BCAT1: variants seen among roughly 807,000 people sequenced by gnomAD.
BCAT1 encodes the protein branched chain amino acid transaminase 1.
BCAT1 carries 48 observed loss-of-function variants against 52.4 expected under a neutral mutation model. The ratio of observed to expected loss-of-function variants is 0.92; its 90% CI spans 0.73 to 1.16. The LOEUF (loss-of-function observed/expected upper bound fraction) is 1.16, where lower values mean the gene tolerates loss of function less well. BCAT1 is among the 50% of genes most tolerant of loss of function. The pLI, the probability that BCAT1 is intolerant of heterozygous loss-of-function variation, is 0.00. For synonymous variants in BCAT1, 167 were observed against 161.3 expected (o/e 1.04, Z -0.27); for missense variants, 451 against 457.1 (o/e 0.99, Z 0.12).
chr12:24,817,769 T>C lies in BCAT1; in HGVS notation c.*239A>G, dbSNP rs899273191. ...AAAATCCCATGTTATATGGCTTACA[T>C]TAATGTTTTTCTAGGTAAGGTAAGG... On this transcript the variant is annotated 3_prime_UTR_variant, in exon 11 of 11. Coordinates refer to ENST00000261192, the MANE Select transcript of BCAT1 (RefSeq NM_005504.7). The C allele has an allele frequency of 4.0e-6, 2 of 505,772 alleles. No homozygotes were observed. Among genetic ancestry groups the C allele is most frequent in the Non-Finnish European group, 7.1e-6 (2 of 282,786 alleles). 31.3% of individuals were successfully genotyped at this position (505,772 alleles called of 1,614,324 possible).
chr12:24,916,966 G>T lies in BCAT1; in HGVS notation c.7-15081C>A, dbSNP rs188419920. On this transcript the variant is annotated intron_variant, in intron 1 of 10. Coordinates refer to ENST00000261192, the MANE Select transcript of BCAT1 (RefSeq NM_005504.7). ...GGTAAATGTTTCCATTTTGCTCACAGAAGTATACTTTACCCCAATGCTGTA... is the reference window on the plus strand; with the variant it reads ...GGTAAATGTTTCCATTTTGCTCACATAAGTATACTTTACCCCAATGCTGTA... 2.0e-5 allele frequency among the ~76,000 whole-genome samples: 3 copies of T among 152,202 alleles called. No individual in the cohort carries two copies. The East Asian group carries it at 5.8e-4, about 29-fold the overall frequency.
intron 1 of BCAT1, chr12:24,904,079 C>T (rs939447250): frequency 5.2e-5 from 8 of 152,400 alleles, no homozygotes; most frequent in Admixed American, 5.2e-4. Context: ...TTATACAAGG[C>T]ACAGAAAGGC....
intron 1 of BCAT1, among the ~76,000 whole-genome samples, chr12:24,921,465 TC>T (rs1591877439): frequency 6.6e-6 from 1 of 152,166 alleles, no homozygotes; most frequent in Non-Finnish European, 1.5e-5. Context: ...CCTCCAAAAG[TC>T]TGATTCATTT....
rs911328254 is a variant in BCAT1 at position 24,934,822 on chromosome 12, G to A, written c.6+14105C>T. Among the ~76,000 whole-genome samples the A allele has an allele frequency of 7.9e-5, 12 of 152,254 alleles. 1 individual carries two copies. The South Asian group carries it at 8.3e-4, about 11-fold the overall frequency. ...CCTGTTTCAGCCTCCCAAAGTGCTGGGATTACAGGGGGATACAAATTTTTC... is the reference window on the plus strand; with the variant it reads ...CCTGTTTCAGCCTCCCAAAGTGCTGAGATTACAGGGGGATACAAATTTTTC... On this transcript the variant is annotated intron_variant, in intron 1 of 10. Coordinates refer to ENST00000261192, the MANE Select transcript of BCAT1 (RefSeq NM_005504.7).
rs1175716155 is a variant in BCAT1 at position 24,876,254 on chromosome 12, GA to G, written c.510+2275del. On this transcript the variant is annotated intron_variant, in intron 5 of 10. Transcript: ENST00000261192. ...AAACTAGATCAAGAGGAAGAGGAGG[GA>G]GATGTAAAAAAAAAAAAAAAAAAGA... 7.5e-5 allele frequency among the ~76,000 whole-genome samples: 8 copies of G among 106,812 alleles called. No individual in the cohort carries two copies. In the South Asian group the frequency reaches 2.6e-3, roughly 35 times the overall value. 70.1% of individuals were successfully genotyped at this position (106,812 alleles called of 152,430 possible).
chr12:24,837,131 G>A (rs749270729), intron 7 of BCAT1, among the ~76,000 whole-genome samples: 17 of 57,566 alleles, frequency 3.0e-4, no homozygotes, highest in Non-Finnish European at 4.8e-4. Context: ...GGAGGAAGGG[G>A]GGAGGGAAGG....
intron 5 of BCAT1, among the ~76,000 whole-genome samples, chr12:24,852,052 T>C (rs1941531503): frequency 6.6e-6 from 1 of 152,032 alleles, no homozygotes; most frequent in South Asian, 2.1e-4. Context: ...TGAGAGTGAG[T>C]GAGTTCTCCT....
chr12:24,944,319 G>T (rs1165594092), intron 1 of BCAT1, among the ~76,000 whole-genome samples: 1 of 152,194 alleles, frequency 6.6e-6, no homozygotes, highest in Non-Finnish European at 1.5e-5. Context: ...CAACTGAAAT[G>T]AAATGAAATG....
At chr12:24,866,181 GC>G (rs1345540944) in intron 5 of BCAT1, among the ~76,000 whole-genome samples, 5 of 152,148 alleles carry the variant, frequency 3.3e-5, no homozygotes, top group African/African-American at 9.6e-5. Flanking sequence ...CGACCGGCTG[GC>G]CCTGCCAGCC....
chr12:24,907,380 A>G (rs1202671800), intron 1 of BCAT1, among the ~76,000 whole-genome samples: 1 of 152,198 alleles, frequency 6.6e-6, no homozygotes. Context: ...TAATTTTATG[A>G]TGGGAAGTTC....
chr12:24,839,482 C>A (rs1462076200), intron 7 of BCAT1, among the ~76,000 whole-genome samples: 1 of 152,178 alleles, frequency 6.6e-6, no homozygotes, highest in Non-Finnish European at 1.5e-5. Context: ...GGATATGATA[C>A]AATGCTTTGT....
At chr12:24,897,103 C>G (rs1176160839) in intron 2 of BCAT1, among the ~76,000 whole-genome samples, 1 of 152,184 alleles carries the variant, frequency 6.6e-6, no homozygotes, top group African/African-American at 2.4e-5. Flanking sequence ...CATATCAATA[C>G]AGTACGACAA....
rs569131071 is a variant in BCAT1, at chr12:24,936,941, C to T, written c.6+11986G>A. Reference sequence around the variant, plus strand: ...AAAATCCCTTTTACCATGAAAGCTTCTGGGGATGAGGCTATGGGCATCCTT... The same window carrying T: ...AAAATCCCTTTTACCATGAAAGCTTTTGGGGATGAGGCTATGGGCATCCTT... On this transcript the variant is annotated intron_variant, in intron 1 of 10. Transcript: ENST00000261192. Among the ~76,000 whole-genome samples the T allele has an allele frequency of 1.0e-3, 153 of 152,234 alleles. 1 individual carries two copies. Among genetic ancestry groups the T allele is most frequent in the South Asian group, 6.4e-3 (31 of 4,810 alleles).
chr12:24,900,791 C>T (rs1051074896), intron 2 of BCAT1, among the ~76,000 whole-genome samples: 2 of 152,012 alleles, frequency 1.3e-5, no homozygotes, highest in South Asian at 2.1e-4. Context: ...ATTAGCTGGG[C>T]GTGATGGCAC....
intron 2 of BCAT1, among the ~76,000 whole-genome samples, chr12:24,898,290 C>T (rs1311408838): frequency 1.3e-5 from 2 of 152,016 alleles, no homozygotes; most frequent in African/African-American, 4.8e-5. Flanking sequence ...CTGATGACAT[C>T]GAAGTCAGGA....
intron 3 of BCAT1, among the ~76,000 whole-genome samples, chr12:24,893,966 A>C (rs1345263533): frequency 6.6e-6 from 1 of 152,254 alleles, no homozygotes; most frequent in African/African-American, 2.4e-5. Context: ...CTAAGAAGAA[A>C]GGTGACTTAT....
At chr12:24,836,283 T>C (rs1940920041) in intron 8 of BCAT1, among the ~76,000 whole-genome samples, 1 of 152,196 alleles carries the variant, frequency 6.6e-6, no homozygotes, top group South Asian at 2.1e-4. Flanking sequence ...TTCTCCACTA[T>C]GACATCTTGC....
At chr12:24,902,033 A>T in intron 1 of BCAT1, 148 bp from the exon 2 acceptor site, 1 of 1,560,162 alleles carries the variant, frequency 6.4e-7, no homozygotes, top group South Asian at 1.2e-5. Flanking sequence ...CCAAGCACCC[A>T]GGCCCGAACC....
chr12:24,834,616 T>C, intron 8 of BCAT1: 1 of 980,374 alleles, frequency 1.0e-6, no homozygotes, highest in Non-Finnish European at 1.2e-6. Flanking sequence ...ATATTCAAAA[T>C]ATTTGAATAT....
Sources: gnomAD v4.1 joint callset for allele counts (sites outside exome capture counted in the v4.1 genomes callset) on GRCh38, gnomAD v4.1.1 for gene constraint, MANE v1.5 for transcripts, NCBI Gene and HGNC (gene_info 2026-07-23, HGNC 2026-07-21) for gene names.